LRRK2: variants seen among roughly 807,000 people sequenced by gnomAD.
LRRK2 encodes leucine-rich repeat serine/threonine-protein kinase 2.
Under a neutral mutation model 302.6 loss-of-function variants are expected in LRRK2, and 203 were observed. That is an observed-to-expected ratio of 0.67 (90% CI 0.60 to 0.75). LRRK2 has a LOEUF of 0.75. Ranked by LOEUF, LRRK2 falls within the 30% of genes least tolerant of loss-of-function variation. The probability of loss-of-function intolerance (pLI) is 0.00; values close to 1 mark genes in which losing one functional copy is unlikely to be tolerated. For missense variants in LRRK2, 2,830 were observed against 2,951.0 expected (o/e 0.96, Z 0.95); for synonymous variants, 1,066 against 1,031.9 (o/e 1.03, Z -0.63).
At position 40,359,244 on chromosome 12, in the gene LRRK2, T is replaced by TTC. The variant is rs1326807491; in HGVS notation, c.6844-15_6844-14insCT. 1.3e-6 allele frequency: 2 copies of TTC among 1,599,556 alleles called. No homozygotes were observed. The highest frequency in any genetic ancestry group is 1.7e-6 in the Non-Finnish European group (2 of 1,171,484). On this transcript the variant is annotated splice_polypyrimidine_tract_variant and intron_variant, in intron 46 of 50. Transcript: ENST00000298910. ...ACTCAATTTGCTGAGTGTGTTTTCT[T>TTC]TTTTTTTTGGCAAAGCTTAAAGGAG...
Position 40,309,285 on chromosome 12 carries a change from C to CGTGTGT in LRRK2, c.4317+65_4317+70dup, listed in dbSNP as rs10650388. On this transcript the variant is annotated intron_variant, in intron 30 of 50. Coordinates refer to ENST00000298910, the MANE Select transcript of LRRK2 (RefSeq NM_198578.4). Reference sequence around the variant, plus strand: ...AGAAAATAATTCATGTGTCTGTGTGCGTGTGTGTGTGTGTGTGTAAGTTAA... The same window carrying CGTGTGT: ...AGAAAATAATTCATGTGTCTGTGTGCGTGTGTGTGTGTGTGTGTGTGTGTAAGTTAA... 430 of 1,316,746 alleles carry CGTGTGT rather than the reference C, an allele frequency of 3.3e-4. 2 individuals carry two copies. The African/African-American group carries it at 5.4e-3, about 17-fold the overall frequency. 81.6% of individuals were successfully genotyped at this position (1,316,746 alleles called of 1,614,324 possible). A position where few individuals can be genotyped will look rare whatever the true frequency, so the allele number is the denominator to read the frequency against.
intron 6 of LRRK2, among the ~76,000 whole-genome samples, chr12:40,242,978 T>C (rs1201549035): frequency 1.3e-5 from 2 of 150,846 alleles, no homozygotes; most frequent in East Asian, 3.9e-4. Context: ...AATTCTATAA[T>C]ATTCACCACA....
At chr12:40,239,612 C>T (rs73106342) in intron 5 of LRRK2, among the ~76,000 whole-genome samples, 1,805 of 152,182 alleles carry the variant, frequency 0.012, 47 homozygotes, top group African/African-American at 0.038. Context: ...AGAAAAATTT[C>T]TGATTTTTCC....
intron 14 of LRRK2, among the ~76,000 whole-genome samples, chr12:40,274,069 C>G (rs988020206): frequency 1.3e-5 from 2 of 152,096 alleles, no homozygotes; most frequent in Non-Finnish European, 2.9e-5. Flanking sequence ...TTTGGCAAAC[C>G]TATTACATGA....
intron 19 of LRRK2, among the ~76,000 whole-genome samples, chr12:40,285,596 A>G (rs1222609493): frequency 1.1e-4 from 17 of 152,082 alleles, no homozygotes; most frequent in Admixed American, 1.1e-3. Context: ...TATGATACAG[A>G]CATTCTCAAT....
At position 40,368,192 on chromosome 12, in the gene LRRK2, C is replaced by T. The variant is rs1946935743; in HGVS notation, c.*427C>T. On this transcript the variant is annotated 3_prime_UTR_variant, in exon 51 of 51. Coordinates refer to ENST00000298910, the MANE Select transcript of LRRK2 (RefSeq NM_198578.4). ...GCACGGTATAATGAAAATATTAAGA[C>T]AGTTTCCCATGTAATGTATTCCTTC... 1 of 154,824 alleles carries T rather than the reference C, an allele frequency of 6.5e-6. No individual in the cohort carries two copies. Among genetic ancestry groups the T allele is most frequent in the Non-Finnish European group, 1.4e-5 (1 of 69,816 alleles). 9.6% of individuals were successfully genotyped at this position (154,824 alleles called of 1,614,324 possible).
chr12:40,360,895 G>A (rs7971919), intron 47 of LRRK2, among the ~76,000 whole-genome samples: 116,736 of 151,958 alleles, frequency 0.77, 45,687 homozygotes, highest in Non-Finnish European at 0.86. Flanking sequence ...TTCAGTCCAA[G>A]CACCACTTGC....
At chr12:40,280,615 A>G (rs1464525243) in intron 18 of LRRK2, among the ~76,000 whole-genome samples, 1 of 134,194 alleles carries the variant, frequency 7.5e-6, no homozygotes, top group Non-Finnish European at 1.6e-5. Context: ...ACAGAGCCAG[A>G]CCCTGTTAAA....
chr12:40,273,772 T>C (rs909790154), intron 14 of LRRK2, among the ~76,000 whole-genome samples: 3 of 152,122 alleles, frequency 2.0e-5, no homozygotes, highest in African/African-American at 7.2e-5. Context: ...AGGTAGATGT[T>C]TGGAGTGTAT....
At chr12:40,229,095 T>C (rs1941049332) in intron 2 of LRRK2, among the ~76,000 whole-genome samples, 1 of 152,214 alleles carries the variant, frequency 6.6e-6, no homozygotes, top group East Asian at 1.9e-4. Context: ...TAAATTATCA[T>C]TGGTCTTAAC....
chr12:40,261,114 T>G (rs998285526), intron 13 of LRRK2, among the ~76,000 whole-genome samples: 2 of 152,202 alleles, frequency 1.3e-5, no homozygotes, highest in Admixed American at 1.3e-4. Context: ...ATTCATAGTT[T>G]CAGCTTAGTT....
At chr12:40,232,428 T>A (rs1352879) in intron 3 of LRRK2, 45 bp downstream of exon 3, 1 of 1,404,998 alleles carries the variant, frequency 7.1e-7, no homozygotes, top group Non-Finnish European at 1.0e-6. Flanking sequence ...GAGTATTTAT[T>A]TGTACACATG....
intron 27 of LRRK2, chr12:40,304,993 G>A (rs751753141): frequency 1.3e-5 from 2 of 152,056 alleles, no homozygotes; most frequent in African/African-American, 2.4e-5. Flanking sequence ...TTACTGGCCT[G>A]TATACTGTAT....
chr12:40,226,723 G>A (rs1443733060), intron 2 of LRRK2, among the ~76,000 whole-genome samples: 2 of 152,174 alleles, frequency 1.3e-5, no homozygotes, highest in Non-Finnish European at 2.9e-5. Flanking sequence ...AAAGATGGAG[G>A]CATAATAAAG....
rs1019519085 is a variant in LRRK2 at position 40,368,745 on chromosome 12, A to T, written c.*980A>T. On this transcript the variant is annotated 3_prime_UTR_variant, in exon 51 of 51. Coordinates refer to ENST00000298910, the MANE Select transcript of LRRK2 (RefSeq NM_198578.4). The stretch of plus-strand genomic sequence containing the variant: ...CAGCTCCTACCAAGACCATGAGGAT[A>T]AATATCTAACACTTTTCAGTTGCTG... The T allele has an allele frequency of 2.0e-5, 3 of 151,492 alleles. No homozygotes were observed. The highest frequency in any genetic ancestry group is 7.3e-5 in the African/African-American group (3 of 41,290). 9.4% of individuals were successfully genotyped at this position (151,492 alleles called of 1,614,324 possible).
chr12:40,254,146 G>A (rs934296693), intron 11 of LRRK2, among the ~76,000 whole-genome samples: 1 of 152,048 alleles, frequency 6.6e-6, no homozygotes, highest in East Asian at 1.9e-4. Flanking sequence ...TAAAGGCATT[G>A]GGACTTGGCA....
intron 45 of LRRK2, 103 bp downstream of exon 45, chr12:40,354,595 C>T (rs1180964405): frequency 9.5e-7 from 1 of 1,048,796 alleles, no homozygotes. Context: ...CATTTTTAGC[C>T]TATTTTCATT....
intron 38 of LRRK2, among the ~76,000 whole-genome samples, chr12:40,325,482 C>A (rs1179498387): frequency 2.0e-5 from 3 of 152,126 alleles, no homozygotes; most frequent in Non-Finnish European, 4.4e-5. Context: ...TCTTTCTTAT[C>A]GAGGGTCATC....
chr12:40,352,147 A>T (rs1341937694), intron 44 of LRRK2, among the ~76,000 whole-genome samples: 1 of 152,110 alleles, frequency 6.6e-6, no homozygotes, highest in Non-Finnish European at 1.5e-5. Context: ...ATTCTCACAT[A>T]TTGTTCAGTC....
Sources: gnomAD v4.1 joint callset for allele counts (sites outside exome capture counted in the v4.1 genomes callset) on GRCh38, gnomAD v4.1.1 for gene constraint, MANE v1.5 for transcripts, NCBI Gene and HGNC (gene_info 2026-07-23, HGNC 2026-07-21) for gene names.